SYT12: variants seen among roughly 807,000 people sequenced by gnomAD.
SYT12 encodes the protein synaptotagmin-12.
SYT12 carries 27 observed loss-of-function variants against 39.5 expected under a neutral mutation model. The observed-to-expected ratio is 0.68, with a 90% CI of 0.50 to 0.94. SYT12 has a LOEUF of 0.94. Ranked by LOEUF, SYT12 falls within the 40% of genes least tolerant of loss-of-function variation. The pLI is 0.00. For missense variants in SYT12, 536 were observed against 572.6 expected (o/e 0.94, Z 0.65); for synonymous variants, 233 against 239.7 (o/e 0.97, Z 0.26).
intron 3 of SYT12, among the ~76,000 whole-genome samples, chr11:67,035,439 T>G (rs1354592812): frequency 1.3e-5 from 2 of 150,002 alleles, no homozygotes; most frequent in Non-Finnish European, 3.0e-5. Context: ...TTTTTTCTTT[T>G]TCTTTTTCTT....
rs202044569 is a variant in SYT12 at position 67,034,655 on chromosome 11, C to T, written c.45C>T (p.Ser15=). Residue 15 remains serine (S), a synonymous_variant, in exon 3 of 8, where the codon AGC becomes AGT. Transcript: ENST00000527043. ...GCCCTTGCCTTGCAGTCATCAAGAG[C>T]CCCCCTGGCTGGGAGGTGGGTGTCT... ...VAEYHLSVIK[S]PPGWEVGVYA... The T allele has an allele frequency of 1.9e-6, 3 of 1,592,204 alleles. No individual in the cohort carries two copies. The highest frequency in any genetic ancestry group is 1.1e-5 in the South Asian group (1 of 87,442).
At position 67,045,778 on chromosome 11, in the gene SYT12, G is replaced by A. The variant is rs768885633; in HGVS notation, c.993G>A (p.Gly331=). ...PFVKVYLLQD[G]RKMSKKKTAV... Reference sequence around the variant, plus strand: ...TCAAGGTGTACCTGCTGCAGGATGGGAGGAAGATGAGCAAAAAGAAGACAG... The same window carrying A: ...TCAAGGTGTACCTGCTGCAGGATGGAAGGAAGATGAGCAAAAAGAAGACAG... Residue 331 remains glycine (G), a synonymous_variant, in exon 7 of 8, where the codon GGG becomes GGA. Coordinates refer to ENST00000527043, the MANE Select transcript of SYT12 (RefSeq NM_177963.4). 1.9e-6 allele frequency: 3 copies of A among 1,613,974 alleles called. No homozygotes were observed. The highest frequency in any genetic ancestry group is 2.5e-6 in the Non-Finnish European group (3 of 1,179,992).
At chr11:67,023,483 C>G (rs547183993) in intron 1 of SYT12, 23 bp downstream of exon 1, 3 of 151,468 alleles carry the variant, frequency 2.0e-5, no homozygotes, top group Admixed American at 6.6e-5. Context: ...CCCGCCGACC[C>G]CCGTGCGCGG....
chr11:67,037,083 TAAAAC>T (rs1344498122), intron 3 of SYT12, among the ~76,000 whole-genome samples: 2 of 151,100 alleles, frequency 1.3e-5, no homozygotes, highest in African/African-American at 4.9e-5. Context: ...TCAAACAAAA[TAAAAC>T]AAAACAAAAC....
At chr11:67,033,408 A>C (rs886134867) in intron 2 of SYT12, among the ~76,000 whole-genome samples, 1 of 152,148 alleles carries the variant, frequency 6.6e-6, no homozygotes, top group Non-Finnish European at 1.5e-5. Context: ...GGGCTGACTC[A>C]ACCCTGGCTA....
At position 67,023,198 on chromosome 11, in the gene SYT12, A is replaced by G. The variant is rs963791066; in HGVS notation, c.-286A>G. On this transcript the variant is annotated 5_prime_UTR_variant, in exon 1 of 8. Transcript: ENST00000527043. ...GCTTGTCACTTTAAATTCAAGAGGG[A>G]GCGGGCGGGCAAGCGGGCGAGCGCG... is the stretch of plus-strand genomic sequence containing the variant. The G allele has an allele frequency of 6.6e-6, 1 of 152,014 alleles. No individual in the cohort carries two copies. Among genetic ancestry groups the G allele is most frequent in the African/African-American group, 2.4e-5 (1 of 41,418 alleles). 9.4% of individuals were successfully genotyped at this position (152,014 alleles called of 1,614,324 possible).
intron 1 of SYT12, among the ~76,000 whole-genome samples, chr11:67,008,781 A>T (rs1949990605): frequency 6.6e-6 from 1 of 152,100 alleles, no homozygotes; most frequent in South Asian, 2.1e-4. Flanking sequence ...ACCTCATGTG[A>T]TCTGCCTGCC....
intron 3 of SYT12, among the ~76,000 whole-genome samples, chr11:67,037,883 G>GC (rs1182350316): frequency 2.2e-5 from 2 of 90,432 alleles, no homozygotes; most frequent in Admixed American, 2.4e-4. Context: ...CTCCCCCTCA[G>GC]AAAAAAAAAA....
chr11:67,029,923 T>C, intron 1 of SYT12, 199 bp from the exon 2 acceptor site: 1 of 518,634 alleles, frequency 1.9e-6, no homozygotes, highest in Non-Finnish European at 3.4e-6. Flanking sequence ...TATCTGGCAA[T>C]CCTGAGAAGA....
chr11:67,020,048 T>G (rs750086140), upstream of SYT12, among the ~76,000 whole-genome samples: 7 of 152,104 alleles, frequency 4.6e-5, no homozygotes, highest in Non-Finnish European at 7.4e-5. Flanking sequence ...AGATGGAGCA[T>G]CCTTCAGGCC....
intron 1 of SYT12, among the ~76,000 whole-genome samples, chr11:67,009,152 T>C (rs1949993319): frequency 6.6e-6 from 1 of 152,102 alleles, no homozygotes; most frequent in Admixed American, 6.6e-5. Flanking sequence ...ACCGCAGGCA[T>C]GTGCTACCAC....
At chr11:67,044,084 CA>C (rs1378150651) in intron 5 of SYT12, among the ~76,000 whole-genome samples, 3 of 152,244 alleles carry the variant, frequency 2.0e-5, no homozygotes, top group African/African-American at 7.2e-5. Flanking sequence ...ACCAAAGCTT[CA>C]GAGGTTCTAC....
Position 67,039,910 on chromosome 11 carries a change from C to CTGGG in SYT12, c.329_332dup (p.Pro112GlyfsTer108). ...GGACACCTTTGAGAGCATCAGTGAA[C>CTGGG]TGGGGCCTCTGGAGCTGATGGGCCG... On this transcript the variant is annotated frameshift_variant, in exon 4 of 8. Transcript: ENST00000527043. LOFTEE classifies it high-confidence loss of function. 6.2e-7 allele frequency: 1 copy of CTGGG among 1,613,726 alleles called. No homozygotes were observed. Among genetic ancestry groups the CTGGG allele is most frequent in the Non-Finnish European group, 8.5e-7 (1 of 1,180,036 alleles).
chr11:67,015,591 A>G lies in SYT12; in HGVS notation c.-69+4597A>G, dbSNP rs146661114. On this transcript the variant is annotated intron_variant, in intron 3 of 10. Coordinates refer to the SYT12 transcript ENST00000393946. ...TGGAGCCAGGACTGGTGGGCTGCAC[A>G]TGGCCAGGCCCAGGGATTTTCGCTG... Among the ~76,000 whole-genome samples the G allele has an allele frequency of 3.4e-3, 514 of 152,268 alleles. 1 individual carries two copies. Among genetic ancestry groups the G allele is most frequent in the African/African-American group, 0.01 (432 of 41,552 alleles).
intron 3 of SYT12, among the ~76,000 whole-genome samples, chr11:67,014,973 G>T (rs567796347): frequency 1.3e-5 from 2 of 152,062 alleles, no homozygotes; most frequent in Non-Finnish European, 2.9e-5. Context: ...CCTGCATCAC[G>T]TAGCTCCCGC....
intron 3 of SYT12, among the ~76,000 whole-genome samples, chr11:67,015,663 C>T (rs1387992695): frequency 6.6e-6 from 1 of 152,178 alleles, no homozygotes; most frequent in African/African-American, 2.4e-5. Context: ...GAAACAGCAT[C>T]GCCTTCATGG....
chr11:67,045,144 G>A (rs1950591553), intron 6 of SYT12, among the ~76,000 whole-genome samples: 1 of 152,160 alleles, frequency 6.6e-6, no homozygotes, highest in Non-Finnish European at 1.5e-5. Context: ...GTGGGTGCCA[G>A]GCAGGACCCG....
upstream of SYT12, among the ~76,000 whole-genome samples, chr11:67,018,352 C>T (rs1950075551): frequency 6.6e-6 from 1 of 150,612 alleles, no homozygotes; most frequent in Admixed American, 6.6e-5. Context: ...AGGAGCAGTA[C>T]CAAAAAAGAA....
Position 67,040,040 on chromosome 11 carries a change from T to A in SYT12, c.458T>A (p.Leu153Gln). ...AACACCTTTGGGCAGGACTTCACACTGGGCCAGGTGGAGGTGAGCATGGAG... is the reference window on the plus strand; with the variant it reads ...AACACCTTTGGGCAGGACTTCACACAGGGCCAGGTGGAGGTGAGCATGGAG... ...VSNTFGQDFT[L>Q]GQVEVSMEYD... The change falls in exon 4 of 8, where the codon CTG (leucine) becomes CAG (glutamine). Residue 153 changes from leucine to glutamine, a missense_variant. Physicochemically the swap from Leu to Gln is moderately radical, Grantham distance 113 (BLOSUM62 -2). Coordinates refer to ENST00000527043, the MANE Select transcript of SYT12 (RefSeq NM_177963.4). The A allele has an allele frequency of 6.2e-7, 1 of 1,613,924 alleles. No individual in the cohort carries two copies. Among genetic ancestry groups the A allele is most frequent in the Non-Finnish European group, 8.5e-7 (1 of 1,180,022 alleles).
Sources: allele counts gnomAD v4.1 joint callset (sites outside exome capture counted in the v4.1 genomes callset), GRCh38; gene constraint gnomAD v4.1.1; transcripts MANE v1.5; gene names NCBI Gene and HGNC (gene_info 2026-07-23, HGNC 2026-07-21).